TMEM30A: variants seen among roughly 807,000 people sequenced by gnomAD.
The protein encoded by TMEM30A is cell division cycle 50 P4-ATPase accessory subunit A, also known as cell cycle control protein 50A.
Under a neutral mutation model 38.2 loss-of-function variants are expected in TMEM30A, and 24 were observed. That is an observed-to-expected ratio of 0.63 (90% CI 0.46 to 0.88). The LOEUF (loss-of-function observed/expected upper bound fraction) is 0.88, where lower values mean the gene tolerates loss of function less well. Among genes scored for constraint, TMEM30A ranks in the 40% least tolerant of loss-of-function variants. TMEM30A has a pLI of 0.00. For synonymous variants in TMEM30A, 145 were observed against 161.6 expected (o/e 0.90, Z 0.78); for missense variants, 370 against 458.6 (o/e 0.81, Z 1.77).
In TMEM30A at chr6:75,253,973, G is replaced by C. The variant is rs1431406381; in HGVS notation, c.*2129C>G. 1 of 152,006 alleles carries C rather than the reference G, an allele frequency of 6.6e-6. No homozygotes were observed. The highest frequency in any genetic ancestry group is 1.5e-5 in the Non-Finnish European group (1 of 67,990). The allele number at this position is 152,006 out of a possible 1,614,324, so 9.4% of individuals were successfully genotyped here. A position where few individuals can be genotyped will look rare whatever the true frequency, so the allele number is the denominator to read the frequency against. On this transcript the variant is annotated 3_prime_UTR_variant, in exon 7 of 7. Coordinates refer to ENST00000230461, the MANE Select transcript of TMEM30A (RefSeq NM_018247.4). ...TCTTTGAAAGGAGACTATGACATTT[G>C]AGCATAAAGCCTATAAGAAAAAGAA...
intron 6 of TMEM30A, 130 bp downstream of exon 6, chr6:75,258,650 C>A (rs1029852442): frequency 8.3e-6 from 6 of 720,418 alleles, no homozygotes; most frequent in Non-Finnish European, 6.8e-6. Context: ...TCACATATAC[C>A]ACACATACTT....
chr6:75,284,107 G>A (rs1423945027), intron 1 of TMEM30A: 1 of 414,858 alleles, frequency 2.4e-6, no homozygotes, highest in African/African-American at 2.1e-5. Flanking sequence ...ACCGCCCACT[G>A]AAGAAGCGTT....
chr6:75,278,162 A>G (rs1166048996), intron 1 of TMEM30A, among the ~76,000 whole-genome samples: 5 of 152,218 alleles, frequency 3.3e-5, no homozygotes. Flanking sequence ...TAATCAATAT[A>G]AAAATGCAAA....
chr6:75,256,088 T>C lies in TMEM30A; in HGVS notation c.*14A>G. On this transcript the variant is annotated 3_prime_UTR_variant, in exon 7 of 7. Coordinates refer to ENST00000230461, the MANE Select transcript of TMEM30A (RefSeq NM_018247.4). ...TTGATGCACATGCAGATGATTTGCT[T>C]TCATAATATAAAATTAAATGGTAAT... is the stretch of plus-strand genomic sequence containing the variant. 1 of 1,575,814 alleles carries C rather than the reference T, an allele frequency of 6.3e-7. No homozygotes were observed. Among genetic ancestry groups the C allele is most frequent in the Non-Finnish European group, 8.7e-7 (1 of 1,151,030 alleles).
chr6:75,252,968 T>C lies in TMEM30A; in HGVS notation c.*3134A>G, dbSNP rs1771805615. The C allele has an allele frequency of 6.6e-6, 1 of 152,144 alleles. No individual in the cohort carries two copies. Among genetic ancestry groups the C allele is most frequent in the African/African-American group, 2.4e-5 (1 of 41,438 alleles). The allele number at this position is 152,144 out of a possible 1,614,324, so 9.4% of individuals were successfully genotyped here. A position where few individuals can be genotyped will look rare whatever the true frequency, so the allele number is the denominator to read the frequency against. On this transcript the variant is annotated 3_prime_UTR_variant, in exon 7 of 7. Transcript: ENST00000230461. ...TTTATTTTGAAGTTCCAAATGACATTAGCAGAATTGTGATTTTTATGTTTA... is the reference window on the plus strand; with the variant it reads ...TTTATTTTGAAGTTCCAAATGACATCAGCAGAATTGTGATTTTTATGTTTA...
chr6:75,282,805 C>T (rs1772380629), intron 1 of TMEM30A, among the ~76,000 whole-genome samples: 1 of 152,100 alleles, frequency 6.6e-6, no homozygotes, highest in South Asian at 2.1e-4. Context: ...ATGATTCTAC[C>T]TATTTTGCAG....
intron 3 of TMEM30A, among the ~76,000 whole-genome samples, chr6:75,264,769 T>C (rs1019127647): frequency 1.3e-5 from 2 of 152,104 alleles, no homozygotes; most frequent in Non-Finnish European, 2.9e-5. Flanking sequence ...CATCAATGCA[T>C]CTGTGTGAAT....
chr6:75,259,039 A>C, intron 5 of TMEM30A, 53 bp from the exon 6 acceptor site: 1 of 1,464,348 alleles, frequency 6.8e-7, no homozygotes. Flanking sequence ...TTGTGAAATT[A>C]AAGTGGCGGA....
intron 3 of TMEM30A, among the ~76,000 whole-genome samples, chr6:75,263,172 C>T (rs1772002125): frequency 6.6e-6 from 1 of 152,082 alleles, no homozygotes; most frequent in Non-Finnish European, 1.5e-5. Flanking sequence ...AAAGAGAAGA[C>T]AGAAGAGAGT....
chr6:75,269,673 G>C (rs1351857652), intron 1 of TMEM30A, among the ~76,000 whole-genome samples: 1 of 152,124 alleles, frequency 6.6e-6, no homozygotes, highest in Non-Finnish European at 1.5e-5. Context: ...TGCAATTGCT[G>C]GATCATAGAG....
intron 3 of TMEM30A, among the ~76,000 whole-genome samples, chr6:75,262,826 G>A (rs896251399): frequency 6.6e-6 from 1 of 152,184 alleles, no homozygotes; most frequent in Non-Finnish European, 1.5e-5. Flanking sequence ...ACTATCATAC[G>A]AAATAAGAGC....
intron 3 of TMEM30A, among the ~76,000 whole-genome samples, chr6:75,262,451 T>C (rs1771984082): frequency 6.6e-6 from 1 of 152,102 alleles, no homozygotes; most frequent in Admixed American, 6.5e-5. Context: ...AAGACCAGCC[T>C]GCCTAAGATG....
chr6:75,268,212 ATTTGTC>A (rs1287329401), intron 1 of TMEM30A, among the ~76,000 whole-genome samples: 12 of 152,180 alleles, frequency 7.9e-5, no homozygotes, highest in African/African-American at 2.9e-4. Context: ...CTGGTGCTGA[ATTTGTC>A]TTTGTCTTGG....
intron 1 of TMEM30A, among the ~76,000 whole-genome samples, chr6:75,279,548 A>G: frequency 6.6e-6 from 1 of 152,222 alleles, no homozygotes; most frequent in Non-Finnish European, 1.5e-5. Flanking sequence ...TACAAGGCAC[A>G]GTGCAAACTA....
intron 4 of TMEM30A, among the ~76,000 whole-genome samples, chr6:75,260,188 G>A (rs531864123): frequency 7.9e-5 from 12 of 152,040 alleles, no homozygotes; most frequent in African/African-American, 2.4e-4. Flanking sequence ...GGCGGATCAC[G>A]AGGTCAGGAA....
In TMEM30A at chr6:75,267,665, G is replaced by A. The variant is rs1010518638; in HGVS notation, c.321C>T (p.Asn107=). The change falls in exon 2 of 7, where the codon AAC becomes AAT. Residue 107 remains asparagine, a synonymous_variant. Transcript: ENST00000230461. ...CCTCAAATGACTTTTCCAGTGTGAA[G>A]TTAATGGTACAAAAGCAAGGTGTCA... ...PDVTPCFCTI[N]FTLEKSFEGN... 2 of 1,611,474 alleles carry A rather than the reference G, an allele frequency of 1.2e-6. No homozygotes were observed. The highest frequency in any genetic ancestry group is 3.3e-5 in the Admixed American group (2 of 59,726).
intron 1 of TMEM30A, chr6:75,272,458 A>G (rs944469741): frequency 6.6e-6 from 1 of 152,234 alleles, no homozygotes; most frequent in African/African-American, 2.4e-5. Context: ...TCTCCCTTGC[A>G]CTTACCTATT....
intron 1 of TMEM30A, among the ~76,000 whole-genome samples, chr6:75,274,843 C>G (rs1170886849): frequency 6.6e-6 from 1 of 152,060 alleles, no homozygotes; most frequent in African/African-American, 2.4e-5. Flanking sequence ...AACCCCGTCT[C>G]TACTAAAAAT....
At chr6:75,271,008 A>C (rs1772158811) in intron 1 of TMEM30A, among the ~76,000 whole-genome samples, 1 of 152,196 alleles carries the variant, frequency 6.6e-6, no homozygotes, top group South Asian at 2.1e-4. Context: ...CTTTTCATGC[A>C]CAATATTCCA....
Sources: allele counts gnomAD v4.1 joint callset (sites outside exome capture counted in the v4.1 genomes callset), GRCh38; gene constraint gnomAD v4.1.1; transcripts MANE v1.5; gene names NCBI Gene and HGNC (gene_info 2026-07-23, HGNC 2026-07-21).